Variants in ZFHX3 observed in about 807,000 individuals in gnomAD.
ZFHX3 encodes the protein zinc finger homeobox protein 3.
Under a neutral mutation model 279.1 loss-of-function variants are expected in ZFHX3, and 42 were observed. The ratio of observed to expected loss-of-function variants is 0.15; its 90% CI spans 0.12 to 0.19. The LOEUF (loss-of-function observed/expected upper bound fraction) is 0.19, where lower values mean the gene tolerates loss of function less well. Ranked by LOEUF, ZFHX3 falls within the 10% of genes least tolerant of loss-of-function variation. ZFHX3 has a pLI of 1.00. For missense variants in ZFHX3, 4,981 were observed against 4,754.0 expected (o/e 1.05, Z -1.40); for synonymous variants, 2,293 against 1,957.8 (o/e 1.17, Z -4.52).
chr16:73,027,860 C>T (rs778251297), intron 1 of ZFHX3, among the ~76,000 whole-genome samples: 1 of 152,248 alleles, frequency 6.6e-6, no homozygotes, highest in African/African-American at 2.4e-5. Context: ...CTGTGATATA[C>T]TGCCCCTCCT....
intron 1 of ZFHX3, among the ~76,000 whole-genome samples, chr16:73,054,933 G>A (rs1965517735): frequency 6.6e-6 from 1 of 151,928 alleles, no homozygotes; most frequent in Non-Finnish European, 1.5e-5. Flanking sequence ...TACAGAAAAT[G>A]TGTTGCTTGC....
chr16:73,211,541 T>C (rs2012017379), intron 5 of ZFHX3, among the ~76,000 whole-genome samples: 1 of 152,146 alleles, frequency 6.6e-6, no homozygotes, highest in Admixed American at 6.5e-5. Context: ...GTATCACTAA[T>C]GAAGGCATCC....
chr16:73,095,922 A>G (rs942716577), intron 7 of ZFHX3, among the ~76,000 whole-genome samples: 5 of 152,218 alleles, frequency 3.3e-5, no homozygotes, highest in Admixed American at 6.5e-5. Flanking sequence ...ACAACATTGC[A>G]CTTACTGTAG....
At chr16:72,969,013 TAGG>T (rs1346437877) in intron 1 of ZFHX3, among the ~76,000 whole-genome samples, 1 of 152,100 alleles carries the variant, frequency 6.6e-6, no homozygotes, top group African/African-American at 2.4e-5. Context: ...GATGTTACCA[TAGG>T]AGGAGTCTAG....
intron 8 of ZFHX3, among the ~76,000 whole-genome samples, chr16:73,080,228 T>G (rs1262078511): frequency 6.6e-6 from 1 of 152,216 alleles, no homozygotes. Context: ...TGTGAAAGCC[T>G]CCACCCATTA....
Position 73,780,562 on chromosome 16 carries a change from C to T in ZFHX3, c.-1607-100322G>A, listed in dbSNP as rs533087841. ...GGTTCAAGCATTTCTTGTGCCTCTG[C>T]CTCCCAAGGAGCTGGATTACAGGCA... On this transcript the variant is annotated intron_variant, in intron 1 of 17. Coordinates refer to the ZFHX3 transcript ENST00000641206. Among the ~76,000 whole-genome samples, 30 of 151,946 alleles carry T rather than the reference C, an allele frequency of 2.0e-4. No homozygotes were observed. In the South Asian group the frequency reaches 4.2e-3, roughly 21 times the overall value.
intron 2 of ZFHX3, among the ~76,000 whole-genome samples, chr16:73,640,739 A>G (rs1404008206): frequency 6.6e-6 from 1 of 152,174 alleles, no homozygotes; most frequent in East Asian, 1.9e-4. Context: ...AAAATCTCCA[A>G]AAGAGAGAAT....
At chr16:73,529,614 A>T (rs1167954886) in intron 2 of ZFHX3, among the ~76,000 whole-genome samples, 1 of 152,190 alleles carries the variant, frequency 6.6e-6, no homozygotes, top group Non-Finnish European at 1.5e-5. Flanking sequence ...TGTCCAGGGG[A>T]CAAATGGGAA....
rs1015054024 is a variant in ZFHX3, at chr16:73,769,518, T to A, written c.-1607-89278A>T. On this transcript the variant is annotated intron_variant, in intron 1 of 17. Coordinates refer to the ZFHX3 transcript ENST00000641206. ...ATTCTTATACAAATTTTAATAGGAA[T>A]GAGCATCTATATTTATATGCAGGAA... Among the ~76,000 whole-genome samples, 15 of 152,320 alleles carry A rather than the reference T, an allele frequency of 9.8e-5. 1 individual carries two copies. Among genetic ancestry groups the A allele is most frequent in the Admixed American group, 3.9e-4 (6 of 15,310 alleles).
At chr16:73,271,383 A>T (rs1597254664) in intron 4 of ZFHX3, among the ~76,000 whole-genome samples, 1 of 151,988 alleles carries the variant, frequency 6.6e-6, no homozygotes, top group Admixed American at 6.6e-5. Flanking sequence ...CCCCCTGCTC[A>T]CTCCTCCCCA....
intron 5 of ZFHX3, among the ~76,000 whole-genome samples, chr16:73,253,980 G>C (rs1296594499): frequency 1.3e-5 from 2 of 152,160 alleles, no homozygotes; most frequent in East Asian, 3.9e-4. Context: ...TCTAAGATAA[G>C]CTGCTCTGGA....
intron 2 of ZFHX3, among the ~76,000 whole-genome samples, chr16:73,629,605 G>C (rs1853189419): frequency 6.6e-6 from 1 of 150,734 alleles, no homozygotes; most frequent in Non-Finnish European, 1.5e-5. Context: ...GGTAATGAAA[G>C]ACAAAAGCAA....
At chr16:73,439,909 C>CAAAAAAAAAAAAAAA (rs71156164) in intron 3 of ZFHX3, among the ~76,000 whole-genome samples, 12 of 75,438 alleles carry the variant, frequency 1.6e-4, no homozygotes, top group East Asian at 4.2e-4. Flanking sequence ...GGGAGAGGGA[C>CAAAAAAAAAAAAAAA]AAAAAAAAAA....
chr16:73,164,425 C>T (rs533504106), intron 5 of ZFHX3, among the ~76,000 whole-genome samples: 1 of 152,174 alleles, frequency 6.6e-6, no homozygotes, highest in Admixed American at 6.5e-5. Flanking sequence ...TGGGGCCGGG[C>T]ATGGTGGCTC....
chr16:73,115,868 C>T (rs1440047366), intron 7 of ZFHX3, among the ~76,000 whole-genome samples: 1 of 152,136 alleles, frequency 6.6e-6, no homozygotes, highest in African/African-American at 2.4e-5. Context: ...CCTGTAATCC[C>T]AGCACTTTGG....
chr16:73,514,118 C>G (rs1038598337), intron 2 of ZFHX3, among the ~76,000 whole-genome samples: 6 of 151,940 alleles, frequency 3.9e-5, no homozygotes, highest in Non-Finnish European at 8.8e-5. Flanking sequence ...CATGGTGGCA[C>G]GCACCTGTAG....
At chr16:73,547,508 G>C (rs1454117476) in intron 2 of ZFHX3, among the ~76,000 whole-genome samples, 1 of 152,108 alleles carries the variant, frequency 6.6e-6, no homozygotes, top group Admixed American at 6.5e-5. Context: ...GGTCTCTAAA[G>C]ATCCTTGCCA....
chr16:73,832,564 A>G (rs534917237), intron 1 of ZFHX3, among the ~76,000 whole-genome samples: 75 of 152,116 alleles, frequency 4.9e-4, no homozygotes, highest in Non-Finnish European at 8.5e-4. Flanking sequence ...TTTAAGAGAC[A>G]GGGTCTCACT....
chr16:73,151,044 C>A (rs1434717848), intron 5 of ZFHX3, among the ~76,000 whole-genome samples: 1 of 152,100 alleles, frequency 6.6e-6, no homozygotes, highest in East Asian at 1.9e-4. Context: ...TGTAGAAGAA[C>A]CTTGAAATCA....
Sources: gnomAD v4.1 joint callset for allele counts (sites outside exome capture counted in the v4.1 genomes callset) on GRCh38, gnomAD v4.1.1 for gene constraint, MANE v1.5 for transcripts, NCBI Gene and HGNC (gene_info 2026-07-23, HGNC 2026-07-21) for gene names.